CNTN5: variants seen among roughly 807,000 people sequenced by gnomAD.
CNTN5 encodes contactin-5.
A neutral mutation model predicts 129.1 loss-of-function variants in CNTN5; 77 were observed. That is an observed-to-expected ratio of 0.60 (90% CI 0.50 to 0.72). The LOEUF is 0.72. Among genes scored for constraint, CNTN5 ranks in the 30% least tolerant of loss-of-function variants. The pLI is 0.00. For missense variants in CNTN5, 1,478 were observed against 1,328.8 expected (o/e 1.11, Z -1.75); for synonymous variants, 509 against 465.6 (o/e 1.09, Z -1.20).
chr11:99,873,180 AC>A (rs1948547445), intron 6 of CNTN5, among the ~76,000 whole-genome samples: 1 of 151,998 alleles, frequency 6.6e-6, no homozygotes, highest in African/African-American at 2.4e-5. Flanking sequence ...ACCATACATA[AC>A]CATGTTCCTG....
At chr11:99,939,515 C>G (rs1565699340) in intron 7 of CNTN5, among the ~76,000 whole-genome samples, 1 of 151,972 alleles carries the variant, frequency 6.6e-6, no homozygotes, top group African/African-American at 2.4e-5. Flanking sequence ...CTGAAAAACT[C>G]TTTTAATGCA....
At chr11:100,277,408 C>T (rs1950537959) in intron 18 of CNTN5, among the ~76,000 whole-genome samples, 1 of 152,082 alleles carries the variant, frequency 6.6e-6, no homozygotes, top group Non-Finnish European at 1.5e-5. Context: ...AACTGTTCTC[C>T]GTAGTGTTGT....
intron 1 of CNTN5, among the ~76,000 whole-genome samples, chr11:99,042,840 G>T (rs1334428453): frequency 1.3e-5 from 2 of 148,680 alleles, no homozygotes; most frequent in African/African-American, 5.2e-5. Context: ...TACAGCTCCA[G>T]TAACTGAAGA....
intron 3 of CNTN5, among the ~76,000 whole-genome samples, chr11:99,577,932 C>A (rs1565313090): frequency 6.6e-6 from 1 of 151,448 alleles, no homozygotes; most frequent in Non-Finnish European, 1.5e-5. Flanking sequence ...CACCCATTAA[C>A]TCGTCGTTTA....
intron 3 of CNTN5, among the ~76,000 whole-genome samples, chr11:99,645,221 C>CT (rs1951910222): frequency 7.8e-6 from 1 of 127,852 alleles, no homozygotes; most frequent in Non-Finnish European, 1.5e-5. Flanking sequence ...GATTGCACCA[C>CT]TGCACTCCAG....
intron 18 of CNTN5, among the ~76,000 whole-genome samples, chr11:100,287,609 A>G (rs1258080355): frequency 6.6e-4 from 100 of 151,592 alleles, no homozygotes; most frequent in African/African-American, 2.2e-3. Context: ...TGAAGGAAGC[A>G]CTAAACATGG....
At position 99,616,886 on chromosome 11, in the gene CNTN5, C is replaced by G. The variant is rs189156330; in HGVS notation, c.55+60617C>G. 3.9e-5 allele frequency among the ~76,000 whole-genome samples: 6 copies of G among 152,172 alleles called. No individual in the cohort carries two copies. The South Asian group carries it at 1.2e-3, about 32-fold the overall frequency. On this transcript the variant is annotated intron_variant, in intron 3 of 24. Coordinates refer to ENST00000524871, the MANE Select transcript of CNTN5 (RefSeq NM_014361.4). Reference sequence around the variant, plus strand: ...AGCACTTTGGGAGGCCGAGGCGGGTCGATGACCTGAGGTCAGGAGTTCGAG... The same window carrying G: ...AGCACTTTGGGAGGCCGAGGCGGGTGGATGACCTGAGGTCAGGAGTTCGAG...
intron 1 of CNTN5, among the ~76,000 whole-genome samples, chr11:99,103,140 C>T (rs770636274): frequency 6.6e-6 from 1 of 152,132 alleles, no homozygotes; most frequent in Admixed American, 6.5e-5. Flanking sequence ...AAAACCACCC[C>T]AGTGGTTTAT....
chr11:100,330,360 T>C (rs1198665769), intron 21 of CNTN5, among the ~76,000 whole-genome samples: 2 of 152,212 alleles, frequency 1.3e-5, no homozygotes, highest in Non-Finnish European at 2.9e-5. Flanking sequence ...GAATACTTGA[T>C]GTTCCTGAAG....
At chr11:99,840,530 AG>A (rs1347767447) in intron 4 of CNTN5, among the ~76,000 whole-genome samples, 19 of 152,110 alleles carry the variant, frequency 1.2e-4, no homozygotes, top group African/African-American at 4.6e-4. Flanking sequence ...GAAAAAAAAA[AG>A]CCTCTTGAGT....
intron 13 of CNTN5, among the ~76,000 whole-genome samples, chr11:100,139,686 A>G (rs1946632177): frequency 6.6e-6 from 1 of 152,098 alleles, no homozygotes; most frequent in Non-Finnish European, 1.5e-5. Flanking sequence ...CAACATGGCA[A>G]AACCCTATCT....
chr11:99,334,514 T>A (rs1401146759), intron 2 of CNTN5, among the ~76,000 whole-genome samples: 2 of 152,000 alleles, frequency 1.3e-5, no homozygotes, highest in African/African-American at 4.8e-5. Flanking sequence ...TAAAACAAAA[T>A]AAAACTTTAC....
chr11:100,112,278 C>A (rs750811397), intron 13 of CNTN5, among the ~76,000 whole-genome samples: 4 of 152,090 alleles, frequency 2.6e-5, no homozygotes, highest in Non-Finnish European at 4.4e-5. Context: ...CTCCAGCTGA[C>A]CTTCAATGAA....
At position 99,819,775 on chromosome 11, in the gene CNTN5, A is replaced by G. The variant is rs201079661; in HGVS notation, c.277+10A>G. 524 of 121,554 alleles carry G rather than the reference A, an allele frequency of 4.3e-3. No individual in the cohort carries two copies. The highest frequency in any genetic ancestry group is 3.4e-3 in the South Asian group (33 of 9,708). The allele number at this position is 121,554 out of a possible 1,614,324, so 7.5% of individuals were successfully genotyped here. On this transcript the variant is annotated intron_variant, in intron 4 of 24. Coordinates refer to ENST00000524871, the MANE Select transcript of CNTN5 (RefSeq NM_014361.4). The stretch of plus-strand genomic sequence containing the variant: ...GCCTTCAAACAAGATGGTAAGTGTC[A>G]AAGGAAAATGGCTCCAGATAGAATA...
intron 1 of CNTN5, among the ~76,000 whole-genome samples, chr11:99,294,156 A>G (rs1435798991): frequency 6.6e-6 from 1 of 152,092 alleles, no homozygotes; most frequent in East Asian, 1.9e-4. Context: ...AATTTTTTAA[A>G]TTAATTCATT....
At chr11:100,192,805 CA>C in intron 14 of CNTN5, among the ~76,000 whole-genome samples, 1 of 152,010 alleles carries the variant, frequency 6.6e-6, no homozygotes, top group Non-Finnish European at 1.5e-5. Flanking sequence ...AGGAGTTAAA[CA>C]TAAACATTGT....
intron 3 of CNTN5, among the ~76,000 whole-genome samples, chr11:99,577,787 T>A (rs546581128): frequency 1.3e-5 from 2 of 151,190 alleles, no homozygotes; most frequent in Admixed American, 6.6e-5. Flanking sequence ...TTTGTGCAGA[T>A]CTTTATAGTG....
intron 3 of CNTN5, among the ~76,000 whole-genome samples, chr11:99,775,700 A>G (rs1945100473): frequency 6.6e-6 from 1 of 151,954 alleles, no homozygotes. Context: ...ATGTATATTT[A>G]CCTCTGTGTG....
chr11:99,037,894 T>C (rs570859814), intron 1 of CNTN5, among the ~76,000 whole-genome samples: 105 of 152,212 alleles, frequency 6.9e-4, no homozygotes, highest in Non-Finnish European at 1.3e-3. Context: ...ACTTTTCCTA[T>C]CAGGAGATTG....
Sources: gnomAD v4.1 joint callset for allele counts (sites outside exome capture counted in the v4.1 genomes callset) on GRCh38, gnomAD v4.1.1 for gene constraint, MANE v1.5 for transcripts, NCBI Gene and HGNC (gene_info 2026-07-23, HGNC 2026-07-21) for gene names.